The following PPP2R2C variants were observed in gnomAD, a reference collection of about 807,000 sequenced individuals.
PPP2R2C encodes the protein protein phosphatase 2 regulatory subunit Bgamma, also known as protein phosphatase 2, regulatory subunit B, gamma.
In PPP2R2C, 10 loss-of-function variants were observed where a neutral mutation model predicts 45.3. The observed-to-expected ratio is 0.22, with a 90% CI of 0.14 to 0.37. The LOEUF (loss-of-function observed/expected upper bound fraction) is 0.37, where lower values mean the gene tolerates loss of function less well. Among genes scored for constraint, PPP2R2C ranks in the 10% least tolerant of loss-of-function variants. The probability of loss-of-function intolerance (pLI) is 1.00; values close to 1 mark genes in which losing one functional copy is unlikely to be tolerated. For missense variants in PPP2R2C, 308 were observed against 619.7 expected (o/e 0.50, Z 5.34); for synonymous variants, 257 against 245.4 (o/e 1.05, Z -0.44).
chr4:6,323,389 G>A lies in PPP2R2C; in HGVS notation c.1257C>T (p.Ala419=). 6.2e-7 allele frequency: 1 copy of A among 1,613,920 alleles called. No individual in the cohort carries two copies. The highest frequency in any genetic ancestry group is 8.5e-7 in the Non-Finnish European group (1 of 1,179,794). ...CAATGATGTTCTCAGCCGGGTGCCAGGCCGTGTGCAGGATCTTCTTGGTGA... is the reference window on the plus strand; with the variant it reads ...CAATGATGTTCTCAGCCGGGTGCCAAGCCGTGTGCAGGATCTTCTTGGTGA... ...LDFTKKILHT[A]WHPAENIIAI... The change falls in exon 9 of 9, where the codon GCC becomes GCT. Residue 419 remains alanine, a synonymous_variant. Transcript: ENST00000382599.
Position 6,328,957 on chromosome 4 carries a change from G to A in PPP2R2C, c.1052+305C>T, listed in dbSNP as rs913988157. On this transcript the variant is annotated intron_variant, in intron 8 of 8. Transcript: ENST00000382599. The surrounding 1 kb of genome is among the most constrained non-coding windows in gnomAD (Gnocchi z 4.4). ...ATAGCCCTCGCCCCCGACAAGCTGG[G>A]AGAGGGGAGCACATCACCGGGGACC... 3.2e-4 allele frequency among the ~76,000 whole-genome samples: 48 copies of A among 152,204 alleles called. No individual in the cohort carries two copies. Among genetic ancestry groups the A allele is most frequent in the African/African-American group, 1.0e-3 (43 of 41,452 alleles).
At chr4:6,377,669 G>GA (rs1407008780) in intron 3 of PPP2R2C, among the ~76,000 whole-genome samples, 7 of 151,716 alleles carry the variant, frequency 4.6e-5, no homozygotes, top group East Asian at 1.9e-4. Context: ...CTCAAAAAAA[G>GA]AAAAAAAAGA....
intron 1 of PPP2R2C, among the ~76,000 whole-genome samples, chr4:6,550,053 T>C (rs1725131809): frequency 6.6e-6 from 1 of 152,126 alleles, no homozygotes; most frequent in South Asian, 2.1e-4. Context: ...GCAGCTGAGG[T>C]CACAGCGGGG....
chr4:6,520,806 G>T (rs962375223), intron 2 of PPP2R2C, among the ~76,000 whole-genome samples: 2 of 152,198 alleles, frequency 1.3e-5, no homozygotes, highest in Non-Finnish European at 2.9e-5. Context: ...CCTGCATCGG[G>T]TCACAGATTC....
intron 1 of PPP2R2C, among the ~76,000 whole-genome samples, chr4:6,394,853 C>T (rs556054974): frequency 1.3e-5 from 2 of 152,234 alleles, no homozygotes; most frequent in Non-Finnish European, 2.9e-5. Context: ...TCTCAGGTCC[C>T]ATCACATCAG....
At chr4:6,366,568 G>A (rs960603657) in intron 5 of PPP2R2C, among the ~76,000 whole-genome samples, 7 of 152,172 alleles carry the variant, frequency 4.6e-5, no homozygotes, top group Middle Eastern at 3.2e-3. Flanking sequence ...CAGTGTGACC[G>A]GGGGCAGCCA....
In PPP2R2C at chr4:6,518,922, T is replaced by TAAA. The variant is rs56002128; in HGVS notation, c.49+16346_49+16348dup. Among the ~76,000 whole-genome samples, 355 of 92,764 alleles carry TAAA rather than the reference T, an allele frequency of 3.8e-3. 2 individuals are homozygous for TAAA. The highest frequency in any genetic ancestry group is 0.01 in the African/African-American group (165 of 16,120). The allele number at this position is 92,764 out of a possible 152,430, so 60.9% of individuals were successfully genotyped here. On this transcript the variant is annotated intron_variant, in intron 2 of 9. Coordinates refer to the PPP2R2C transcript ENST00000506140. The stretch of plus-strand genomic sequence containing the variant: ...TGGGCAACAGAGCAAGACTCTGTCT[T>TAAA]AAAAAAAAAAAAAAAAAAAAAAAAA...
At chr4:6,414,606 G>A (rs967110843) in intron 1 of PPP2R2C, among the ~76,000 whole-genome samples, 2 of 151,928 alleles carry the variant, frequency 1.3e-5, no homozygotes, top group African/African-American at 4.8e-5. Flanking sequence ...AGAGCCCTAC[G>A]AGATGGGCAG....
chr4:6,377,713 T>C (rs1456202889), intron 3 of PPP2R2C, among the ~76,000 whole-genome samples: 1 of 152,072 alleles, frequency 6.6e-6, no homozygotes, highest in Non-Finnish European at 1.5e-5. Context: ...CCAGGCTGCC[T>C]GGGTCCGCAG....
chr4:6,454,381 G>C (rs188179531), intron 1 of PPP2R2C, among the ~76,000 whole-genome samples: 93 of 152,330 alleles, frequency 6.1e-4, no homozygotes, highest in African/African-American at 1.9e-3. Context: ...TGTCCCAGGG[G>C]TCAGGAAGGG....
At chr4:6,512,219 T>TG (rs1169496066) in intron 2 of PPP2R2C, among the ~76,000 whole-genome samples, 13 of 58,928 alleles carry the variant, frequency 2.2e-4, no homozygotes, top group African/African-American at 7.3e-4. Flanking sequence ...GTGATGGTGG[T>TG]GTTGGTGGTG....
rs1247349377 is a variant in PPP2R2C at position 6,445,048 on chromosome 4, G to T, written c.70+27112C>A. ...AAAAAAAAATACAAAAATTAGCCGG[G>T]TATGTTGGTGCCTGCCTGTAGTCCC... On this transcript the variant is annotated intron_variant, in intron 1 of 8. Coordinates refer to ENST00000382599, the MANE Select transcript of PPP2R2C (RefSeq NM_020416.4). Among the ~76,000 whole-genome samples the T allele has an allele frequency of 2.6e-5, 4 of 152,126 alleles. No individual in the cohort carries two copies. The South Asian group carries it at 8.3e-4, about 32-fold the overall frequency.
chr4:6,371,440 A>T (rs75412451), intron 5 of PPP2R2C, among the ~76,000 whole-genome samples: 1,903 of 152,286 alleles, frequency 0.012, 22 homozygotes, highest in Non-Finnish European at 0.02. Context: ...TCCGAGGGAC[A>T]CAGCCCACTC....
At chr4:6,511,525 A>T (rs62635968) in intron 2 of PPP2R2C, among the ~76,000 whole-genome samples, 1 of 4,654 alleles carries the variant, frequency 2.1e-4, no homozygotes, top group Non-Finnish European at 4.4e-4. Context: ...GGTGGTGGTG[A>T]TGGTGGTGGT....
intron 1 of PPP2R2C, among the ~76,000 whole-genome samples, chr4:6,416,175 A>C (rs75077683): frequency 0.29 from 44,137 of 151,710 alleles, 6,810 homozygotes; most frequent in East Asian, 0.61. Flanking sequence ...TAACAAGGAT[A>C]ACAACCTTCC....
intron 2 of PPP2R2C, among the ~76,000 whole-genome samples, chr4:6,478,795 C>T (rs914081263): frequency 1.3e-5 from 2 of 152,238 alleles, no homozygotes; most frequent in Admixed American, 6.5e-5. Flanking sequence ...ACTCCTGCTG[C>T]GTGTGCATCT....
At chr4:6,476,420 C>T (rs975369555), upstream of PPP2R2C, among the ~76,000 whole-genome samples, 2 of 152,096 alleles carry the variant, frequency 1.3e-5, no homozygotes, top group African/African-American at 2.4e-5. Context: ...TGGGATTAGC[C>T]GCCTTATAAG....
At chr4:6,431,541 A>G (rs2109410765) in intron 1 of PPP2R2C, among the ~76,000 whole-genome samples, 1 of 152,248 alleles carries the variant, frequency 6.6e-6, no homozygotes, top group Non-Finnish European at 1.5e-5. Flanking sequence ...CTGTGTCCCC[A>G]AGGGGCTAAG....
chr4:6,323,492 C>T lies in PPP2R2C; in HGVS notation c.1154G>A (p.Arg385Gln), dbSNP rs1330379905. 5.6e-6 allele frequency: 9 copies of T among 1,609,264 alleles called. No individual in the cohort carries two copies. Among genetic ancestry groups the T allele is most frequent in the East Asian group, 2.2e-5 (1 of 44,718 alleles). ...LEASRESSKP[R>Q]AVLKPRRVCV... is the part of the protein sequence containing the mutation. ...CACGCGCCGTGGCTTGAGCACAGCC[C>T]GGGGCTTGCTGCTTTCCCTCGAGGC... is the stretch of plus-strand genomic sequence containing the variant. Residue 385 changes from arginine (R) to glutamine (Q), a missense_variant, in exon 9 of 9, where the codon CGG becomes CAG. Transcript: ENST00000382599.
Sources: allele counts gnomAD v4.1 joint callset (sites outside exome capture counted in the v4.1 genomes callset), GRCh38; gene constraint gnomAD v4.1.1; non-coding constraint Gnocchi (gnomAD v3.1); transcripts MANE v1.5; gene names NCBI Gene and HGNC (gene_info 2026-07-23, HGNC 2026-07-21).